TPO: variants seen among roughly 807,000 people sequenced by gnomAD.
TPO encodes the protein thyroid peroxidase.
TPO carries 78 observed loss-of-function variants against 96.9 expected under a neutral mutation model. The ratio of observed to expected loss-of-function variants is 0.81; its 90% CI spans 0.67 to 0.97. The LOEUF is 0.97. Ranked by LOEUF, TPO falls within the 50% of genes least tolerant of loss-of-function variation. The pLI is 0.00. For synonymous variants in TPO, 547 were observed against 538.0 expected (o/e 1.02, Z -0.23); for missense variants, 1,252 against 1,274.8 (o/e 0.98, Z 0.27).
At chr2:1,448,536 C>A (rs1300545642) in intron 5 of TPO, among the ~76,000 whole-genome samples, 2 of 152,206 alleles carry the variant, frequency 1.3e-5, no homozygotes, top group African/African-American at 4.8e-5. Context: ...GCTCCTTGCA[C>A]GCTGTCCACA....
intron 15 of TPO, among the ~76,000 whole-genome samples, chr2:1,523,880 G>C: frequency 1.2e-5 from 1 of 83,376 alleles, no homozygotes; most frequent in African/African-American, 5.2e-5. Context: ...CCCCCAGTGT[G>C]TACAACTTGC....
chr2:1,420,236 A>G (rs761534685), intron 2 of TPO, among the ~76,000 whole-genome samples: 3 of 152,254 alleles, frequency 2.0e-5, no homozygotes, highest in Non-Finnish European at 4.4e-5. Flanking sequence ...ATTGGTCAAT[A>G]ACAAGGAATG....
rs113703293 is a variant in TPO at position 1,509,321 on chromosome 2, C to T, written c.2518+5242C>T. Among the ~76,000 whole-genome samples, 590 of 152,228 alleles carry T rather than the reference C, an allele frequency of 3.9e-3. 1 individual carries two copies. Among genetic ancestry groups the T allele is most frequent in the Non-Finnish European group, 6.4e-3 (436 of 68,006 alleles). ...CCCCCACTCCTGTGTCAGGCACACC[C>T]GCCCTCTTCTTTCAGGGACACCACA... On this transcript the variant is annotated intron_variant, in intron 14 of 16. Transcript: ENST00000329066.
intron 14 of TPO, among the ~76,000 whole-genome samples, chr2:1,512,725 G>A (rs991435774): frequency 2.0e-5 from 3 of 152,200 alleles, no homozygotes; most frequent in Non-Finnish European, 4.4e-5. Flanking sequence ...GGGCCAGGCC[G>A]CCGGTGGAGC....
At position 1,542,269 on chromosome 2, in the gene TPO, C is replaced by T. The variant is rs1012611997; in HGVS notation, c.2749-152C>T. Reference sequence around the variant, plus strand: ...TGTCCGGAAGCCAGAAACTTCCCTCCAGCATGACAAGCAAGAAGGATGGCT... The same window carrying T: ...TGTCCGGAAGCCAGAAACTTCCCTCTAGCATGACAAGCAAGAAGGATGGCT... On this transcript the variant is annotated intron_variant, in intron 16 of 16. Coordinates refer to ENST00000329066, the MANE Select transcript of TPO (RefSeq NM_001206744.2). The T allele has an allele frequency of 4.6e-6, 5 of 1,093,982 alleles. No homozygotes were observed. In the African/African-American group the frequency reaches 6.2e-5, roughly 14 times the overall value. 67.8% of individuals were successfully genotyped at this position (1,093,982 alleles called of 1,614,324 possible). A position where few individuals can be genotyped will look rare whatever the true frequency, so the allele number is the denominator to read the frequency against.
rs34242408 is a variant in TPO, at chr2:1,400,568, C to CAAAAAAAAAAAAAAAAAAAA, written n.180+26167_180+26186dup. On this transcript the variant is annotated intron_variant and non_coding_transcript_variant, in intron 1 of 5. Transcript: ENST00000497517. The stretch of plus-strand genomic sequence containing the variant: ...TGGATAAAGAAGTGAGACTCTGTCT[C>CAAAAAAAAAAAAAAAAAAAA]AAAAAAAAAAAAAAAAAAAAGAAAT... 2.8e-4 allele frequency among the ~76,000 whole-genome samples: 20 copies of CAAAAAAAAAAAAAAAAAAAA among 71,602 alleles called. 1 individual carries two copies. Among genetic ancestry groups the CAAAAAAAAAAAAAAAAAAAA allele is most frequent in the African/African-American group, 1.1e-3 (20 of 18,210 alleles). 47.0% of individuals were successfully genotyped at this position (71,602 alleles called of 152,430 possible).
intron 7 of TPO, among the ~76,000 whole-genome samples, chr2:1,468,100 T>C (rs746944533): frequency 1.1e-4 from 16 of 151,972 alleles, no homozygotes; most frequent in Non-Finnish European, 1.6e-4. Flanking sequence ...GGCATGTCTC[T>C]TGAAGGCAGC....
At chr2:1,380,135 C>A (rs1190337232) in intron 1 of TPO, among the ~76,000 whole-genome samples, 1 of 152,138 alleles carries the variant, frequency 6.6e-6, no homozygotes, top group Non-Finnish European at 1.5e-5. Flanking sequence ...TGGCTCACGC[C>A]TGTAATCCCA....
At chr2:1,390,162 C>CT (rs5828819) in intron 1 of TPO, among the ~76,000 whole-genome samples, 39,705 of 151,622 alleles carry the variant, frequency 0.26, 10,405 homozygotes, top group African/African-American at 0.68. Flanking sequence ...AATGCTATCC[C>CT]CCCCCAGCTC....
At chr2:1,419,233 C>G (rs547624276) in intron 2 of TPO, among the ~76,000 whole-genome samples, 1 of 152,216 alleles carries the variant, frequency 6.6e-6, no homozygotes, top group East Asian at 1.9e-4. Context: ...AATTAAGTCC[C>G]GTGACTCCCT....
intron 1 of TPO, among the ~76,000 whole-genome samples, chr2:1,383,258 G>C (rs1338683817): frequency 6.6e-6 from 1 of 152,106 alleles, no homozygotes; most frequent in Non-Finnish European, 1.5e-5. Flanking sequence ...GGATGGCTGG[G>C]TCAAATGGTA....
At chr2:1,444,300 C>T (rs1172050165) in intron 5 of TPO, among the ~76,000 whole-genome samples, 52 of 79,168 alleles carry the variant, frequency 6.6e-4, no homozygotes, top group Admixed American at 8.6e-4. Context: ...TGGAAGGGAA[C>T]GGGGCAGGCT....
At chr2:1,512,534 C>A in intron 14 of TPO, 1 of 964,108 alleles carries the variant, frequency 1.0e-6, no homozygotes, top group South Asian at 4.8e-5. Context: ...CCCTGCCCCG[C>A]TCCGCCCCTG....
At chr2:1,398,417 C>T (rs569254461) in intron 1 of TPO, among the ~76,000 whole-genome samples, 16 of 152,218 alleles carry the variant, frequency 1.1e-4, no homozygotes, top group African/African-American at 3.4e-4. Context: ...CCACACCCCA[C>T]GCCTGCCTGG....
chr2:1,396,432 C>T lies in TPO; in HGVS notation n.180+22030C>T, dbSNP rs187463597. Among the ~76,000 whole-genome samples the T allele has an allele frequency of 7.9e-4, 120 of 152,174 alleles. 1 individual carries two copies. Among genetic ancestry groups the T allele is most frequent in the Admixed American group, 4.2e-3 (65 of 15,296 alleles). ...TCCCGCAGTTCACAGCAATGTCTTC[C>T]GCAGCTGAGAGGGTCTCCGTGCATG... On this transcript the variant is annotated intron_variant and non_coding_transcript_variant, in intron 1 of 5. Coordinates refer to the TPO transcript ENST00000497517.
In TPO at chr2:1,542,408, T is replaced by C; in HGVS notation, c.2749-13T>C. 6.2e-7 allele frequency: 1 copy of C among 1,614,164 alleles called. No homozygotes were observed. The highest frequency in any genetic ancestry group is 8.5e-7 in the Non-Finnish European group (1 of 1,179,998). On this transcript the variant is annotated splice_polypyrimidine_tract_variant and intron_variant, in intron 16 of 16. Transcript: ENST00000329066. ...ATTCAGACGTTATTAATGTTTGTTC[T>C]GCATTTTTGCAGGAGAGTGCTGGGA...
chr2:1,536,788 C>T (rs1441219592), intron 15 of TPO, among the ~76,000 whole-genome samples: 2 of 129,132 alleles, frequency 1.5e-5, no homozygotes, highest in South Asian at 2.8e-4. Flanking sequence ...TCCCCAAATC[C>T]CCCGCAATCT....
chr2:1,542,250 G>C (rs1373792165), intron 16 of TPO, 171 bp from the exon 17 acceptor site: 13 of 904,676 alleles, frequency 1.4e-5, no homozygotes, highest in African/African-American at 3.3e-5. Flanking sequence ...CATTTGTCCG[G>C]AAGCCAGAAA....
chr2:1,517,406 G>C lies in TPO; in HGVS notation c.2618+424G>C, dbSNP rs187680306. ...CAGAAATTGGAAGTTGAACTTTCATGTTAAAAATGGCGCTGCTGTTGAAAG... is the reference window on the plus strand; with the variant it reads ...CAGAAATTGGAAGTTGAACTTTCATCTTAAAAATGGCGCTGCTGTTGAAAG... On this transcript the variant is annotated intron_variant, in intron 15 of 16. Coordinates refer to ENST00000329066, the MANE Select transcript of TPO (RefSeq NM_001206744.2). Among the ~76,000 whole-genome samples the C allele has an allele frequency of 4.8e-3, 727 of 152,320 alleles. 4 individuals are homozygous for C. Among genetic ancestry groups the C allele is most frequent in the African/African-American group, 0.017 (705 of 41,552 alleles).
Sources: gnomAD v4.1 joint callset for allele counts (sites outside exome capture counted in the v4.1 genomes callset) on GRCh38, gnomAD v4.1.1 for gene constraint, MANE v1.5 for transcripts, NCBI Gene and HGNC (gene_info 2026-07-23, HGNC 2026-07-21) for gene names.